The following DOCK1 variants were observed in gnomAD, a reference collection of about 807,000 sequenced individuals.
DOCK1 encodes the protein dedicator of cytokinesis protein 1.
In DOCK1, 138 loss-of-function variants were observed where a neutral mutation model predicts 262.7. That is an observed-to-expected ratio of 0.53 (90% CI 0.46 to 0.61). The LOEUF (loss-of-function observed/expected upper bound fraction) is 0.61. Among genes scored for constraint, DOCK1 ranks in the 20% least tolerant of loss-of-function variants. The pLI, the probability that DOCK1 is intolerant of heterozygous loss-of-function variation, is 0.00. For synonymous variants in DOCK1, 866 were observed against 867.4 expected (o/e 1.00, Z 0.03); for missense variants, 1,908 against 2,370.7 (o/e 0.80, Z 4.05).
At chr10:127,353,517 A>G (rs980632858) in intron 31 of DOCK1, among the ~76,000 whole-genome samples, 6 of 152,190 alleles carry the variant, frequency 3.9e-5, no homozygotes, top group South Asian at 2.1e-4. Context: ...CATGGCCTCA[A>G]TGCTGGGCCG....
At chr10:127,301,682 A>G (rs2061683606) in intron 29 of DOCK1, among the ~76,000 whole-genome samples, 1 of 152,160 alleles carries the variant, frequency 6.6e-6, no homozygotes, top group African/African-American at 2.4e-5. Flanking sequence ...GCTGTGGCTC[A>G]TGCCTGTAAT....
At chr10:126,941,347 A>G (rs2034962749) in intron 1 of DOCK1, among the ~76,000 whole-genome samples, 1 of 152,186 alleles carries the variant, frequency 6.6e-6, no homozygotes. Flanking sequence ...GATAGATTGC[A>G]TTACCTAAAT....
At chr10:127,146,228 A>C in intron 27 of DOCK1, 1 of 252,772 alleles carries the variant, frequency 4.0e-6, no homozygotes, top group Non-Finnish European at 7.9e-6. Context: ...TGGGACTATC[A>C]GTATAATTAG....
intron 4 of DOCK1, among the ~76,000 whole-genome samples, chr10:126,985,500 T>C (rs960902107): frequency 6.6e-6 from 1 of 152,022 alleles, no homozygotes; most frequent in Non-Finnish European, 1.5e-5. Flanking sequence ...GAACCTAAGG[T>C]GGAACCAGAA....
intron 25 of DOCK1, among the ~76,000 whole-genome samples, chr10:127,120,113 A>T (rs992124047): frequency 6.6e-6 from 1 of 152,222 alleles, no homozygotes; most frequent in Non-Finnish European, 1.5e-5. Context: ...AGCTCTGTGC[A>T]TGGCAGAGGA....
At chr10:127,244,325 A>C (rs956797442) in intron 27 of DOCK1, among the ~76,000 whole-genome samples, 2 of 152,162 alleles carry the variant, frequency 1.3e-5, no homozygotes, top group African/African-American at 2.4e-5. Flanking sequence ...CTTGTGGTGG[A>C]TGTTTAGAAT....
chr10:127,397,195 C>G (rs2066924855), intron 38 of DOCK1, among the ~76,000 whole-genome samples: 1 of 138,326 alleles, frequency 7.2e-6, no homozygotes, highest in Non-Finnish European at 1.5e-5. Context: ...CGGGCAGCGT[C>G]TCCTGTGATC....
intron 45 of DOCK1, 147 bp from the exon 46 acceptor site, chr10:127,419,519 C>T (rs1049723302): frequency 1.5e-5 from 11 of 713,704 alleles, no homozygotes; most frequent in Non-Finnish European, 2.3e-5. Context: ...CTGGGTGCTG[C>T]GAAGGGTGTG....
chr10:127,368,308 G>C (rs1190596493), intron 33 of DOCK1, among the ~76,000 whole-genome samples: 2 of 152,060 alleles, frequency 1.3e-5, no homozygotes, highest in Non-Finnish European at 2.9e-5. Flanking sequence ...GGTCATCCTG[G>C]CTCTTCCAGC....
At chr10:127,174,187 C>G (rs2133872754) in intron 27 of DOCK1, among the ~76,000 whole-genome samples, 1 of 152,352 alleles carries the variant, frequency 6.6e-6, no homozygotes, top group Non-Finnish European at 1.5e-5. Context: ...GCTTGCTAAA[C>G]CCAGGGCTCA....
intron 27 of DOCK1, among the ~76,000 whole-genome samples, chr10:127,154,647 A>G (rs1281516450): frequency 6.6e-6 from 1 of 152,112 alleles, no homozygotes; most frequent in Non-Finnish European, 1.5e-5. Flanking sequence ...TCTTACTCCC[A>G]TTGCCATAAC....
chr10:126,953,178 G>A (rs1565003406), intron 1 of DOCK1, among the ~76,000 whole-genome samples: 1 of 151,490 alleles, frequency 6.6e-6, no homozygotes, highest in Non-Finnish European at 1.5e-5. Flanking sequence ...ATTGTTATTG[G>A]CAGCGATGGC....
intron 1 of DOCK1, among the ~76,000 whole-genome samples, chr10:126,968,234 C>T (rs2037827039): frequency 3.3e-5 from 5 of 152,228 alleles, no homozygotes; most frequent in African/African-American, 9.6e-5. Flanking sequence ...CCGCTCCTCT[C>T]TCCTACTCCC....
At chr10:127,249,657 T>A (rs189776424) in intron 28 of DOCK1, among the ~76,000 whole-genome samples, 1 of 152,220 alleles carries the variant, frequency 6.6e-6, no homozygotes, top group Non-Finnish European at 1.5e-5. Context: ...CTATAGGCAG[T>A]TGTAATACAA....
intron 1 of DOCK1, among the ~76,000 whole-genome samples, chr10:126,960,790 A>G (rs2037146441): frequency 1.0e-5 from 1 of 99,942 alleles, no homozygotes; most frequent in Admixed American, 1.1e-4. Context: ...ATATGTGTAT[A>G]TACACACACA....
intron 27 of DOCK1, chr10:127,145,804 A>G (rs1000368574): frequency 2.5e-5 from 8 of 318,580 alleles, no homozygotes; most frequent in Non-Finnish European, 4.3e-5. Context: ...TGAGAGCATC[A>G]TCTCCACTAA....
chr10:127,339,017 G>A lies in DOCK1; in HGVS notation c.3056G>A (p.Arg1019Gln), dbSNP rs1398707029. ...MNMVQNKVFL[R>Q]AINQYADMLN... The stretch of plus-strand genomic sequence containing the variant: ...TCTTGATCTTTCAGAGTCTTCCTGC[G>A]AGCAATTAATCAGTATGCAGATATG... Residue 1019 changes from arginine (R) to glutamine (Q), a missense_variant, in exon 30 of 52, where the codon CGA (arginine) becomes CAA (glutamine). Transcript: ENST00000623213. 3.8e-6 allele frequency: 6 copies of A among 1,580,216 alleles called. No individual in the cohort carries two copies. Among genetic ancestry groups the A allele is most frequent in the East Asian group, 2.3e-5 (1 of 43,518 alleles).
Position 127,110,158 on chromosome 10 carries a change from C to G in DOCK1, c.2517-90C>G, listed in dbSNP as rs1448235414. The stretch of plus-strand genomic sequence containing the variant: ...TGAACATACTGGTGACATTAATGAC[C>G]ATGTGATGACCTATATCTCAGTATT... On this transcript the variant is annotated intron_variant, in intron 24 of 51. Transcript: ENST00000623213. 15 of 1,023,526 alleles carry G rather than the reference C, an allele frequency of 1.5e-5. No homozygotes were observed. In the East Asian group the frequency reaches 3.6e-4, roughly 25 times the overall value. 63.4% of individuals were successfully genotyped at this position (1,023,526 alleles called of 1,614,324 possible). A position where few individuals can be genotyped will look rare whatever the true frequency, so the allele number is the denominator to read the frequency against.
rs200302331 is a variant in DOCK1, at chr10:127,093,242, CT to C, written c.2446-12969del. On this transcript the variant is annotated intron_variant, in intron 23 of 51. Transcript: ENST00000623213. Reference sequence around the variant, plus strand: ...TCTTTTCTTTCTTTCTTTCTTTCTTCTTTTTTTTTTTTTTTTTTTTGGAGAC... The same window carrying C: ...TCTTTTCTTTCTTTCTTTCTTTCTTCTTTTTTTTTTTTTTTTTTTGGAGAC... Among the ~76,000 whole-genome samples, 422 of 79,306 alleles carry C rather than the reference CT, an allele frequency of 5.3e-3. 3 individuals are homozygous for C. The highest frequency in any genetic ancestry group is 0.024 in the African/African-American group (354 of 15,034). 52.0% of individuals were successfully genotyped at this position (79,306 alleles called of 152,430 possible).
Sources: gnomAD v4.1 joint callset for allele counts (sites outside exome capture counted in the v4.1 genomes callset) on GRCh38, gnomAD v4.1.1 for gene constraint, MANE v1.5 for transcripts, NCBI Gene and HGNC (gene_info 2026-07-23, HGNC 2026-07-21) for gene names.